The following ASB9 variants were observed in gnomAD, a reference collection of about 807,000 sequenced individuals.
ASB9 encodes ankyrin repeat and SOCS box protein 9.
In ASB9, 5 loss-of-function variants were observed where a neutral mutation model predicts 16.6. That is an observed-to-expected ratio of 0.30 (90% CI 0.16 to 0.63). The LOEUF is 0.63. Ranked by LOEUF, ASB9 falls within the 30% of genes least tolerant of loss-of-function variation. ASB9 has a pLI of 0.82. For synonymous variants in ASB9, 100 were observed against 86.4 expected, an observed-to-expected ratio of 1.16 and a Z score of -0.87; for missense variants, 216 against 229.4, an observed-to-expected ratio of 0.94 and a Z score of 0.38.
chrX:15,252,277 G>C lies in ASB9; in HGVS notation c.410C>G (p.Pro137Arg). The change falls in exon 4 of 7, where the codon CCC (proline) becomes CGC (arginine). Residue 137 changes from proline (P) to arginine (R), a missense_variant. Transcript: ENST00000380488. ...ACCTCTCCTAGCAGCTTCATGGATG[G>C]GGGATGCCAGATCACTCTCAGGTTG... is the stretch of plus-strand genomic sequence containing the variant. ...SVQPESDLAS[P>R]IHEAARRGHV... 1.7e-6 allele frequency: 2 copies of C among 1,207,542 alleles called. No homozygotes were observed. The highest frequency in any genetic ancestry group is 2.2e-6 in the Non-Finnish European group (2 of 894,086).
At chrX:15,253,999 G>C (rs1925341729) in intron 3 of ASB9, among the ~76,000 whole-genome samples, 1 of 111,632 alleles carries the variant, frequency 9.0e-6, no homozygotes, top group African/African-American at 3.3e-5. Context: ...TTGTACCCTA[G>C]GTGTCTCTTG....
At chrX:15,258,827 T>C in intron 2 of ASB9, 39 bp downstream of exon 2, 1 of 1,056,542 alleles carries the variant, frequency 9.5e-7, no homozygotes, top group Non-Finnish European at 1.3e-6. Flanking sequence ...TTTTAATATT[T>C]TGATAGGTTT....
At chrX:15,259,305 T>C (rs770930184) in intron 1 of ASB9, among the ~76,000 whole-genome samples, 4 of 112,590 alleles carry the variant, frequency 3.6e-5, no homozygotes, top group Non-Finnish European at 7.5e-5. Context: ...TGTGTTAAGC[T>C]GTAGCTGTCA....
At chrX:15,245,741 G>C (rs999428297) in intron 6 of ASB9, among the ~76,000 whole-genome samples, 2 of 111,371 alleles carry the variant, frequency 1.8e-5, no homozygotes. Context: ...CTGAGTGTGC[G>C]GTCAGGGTTG....
Position 15,269,854 on chromosome X carries a change from G to A in ASB9, c.21C>T (p.Gly7=). The change falls in exon 1 of 7, where the codon GGC becomes GGT. Residue 7 remains glycine, a synonymous_variant. Transcript: ENST00000380488. ...GCCCCGCGGGCTTGCTCCCATCCAT[G>A]CCCCCTTGTTTGCCATCCATGATGC... MDGKQG[G]MDGSKPAGPR... 7 of 1,205,768 alleles carry A rather than the reference G, an allele frequency of 5.8e-6. No homozygotes were observed. The highest frequency in any genetic ancestry group is 7.8e-6 in the Non-Finnish European group (7 of 892,525).
chrX:15,250,607 C>T (rs182109862), intron 4 of ASB9, 43 bp from the exon 5 acceptor site: 98 of 1,154,343 alleles, frequency 8.5e-5, no homozygotes, highest in Non-Finnish European at 1.0e-4. Context: ...AATACAAGTT[C>T]CCTTAGCTAG....
At chrX:15,260,800 CAT>C (rs767966713) in intron 1 of ASB9, among the ~76,000 whole-genome samples, 1 of 112,487 alleles carries the variant, frequency 8.9e-6, no homozygotes, top group South Asian at 3.7e-4. Context: ...GTATTTAACA[CAT>C]GTTGGCTTAA....
At chrX:15,253,559 C>T (rs1045630397) in intron 3 of ASB9, among the ~76,000 whole-genome samples, 1 of 111,367 alleles carries the variant, frequency 9.0e-6, no homozygotes, top group Non-Finnish European at 1.9e-5. Context: ...GAGTTCGTGC[C>T]ACTGTACTCC....
intron 2 of ASB9, among the ~76,000 whole-genome samples, chrX:15,256,606 T>C (rs1441296704): frequency 9.5e-6 from 1 of 105,702 alleles, no homozygotes; most frequent in East Asian, 3.0e-4. Flanking sequence ...TGAAACCCCA[T>C]CTCTACTAAA....
chrX:15,246,670 G>T (rs1365691991), intron 6 of ASB9, among the ~76,000 whole-genome samples: 1 of 110,498 alleles, frequency 9.0e-6, no homozygotes, highest in Non-Finnish European at 1.9e-5. Flanking sequence ...GAAGAGACGG[G>T]GTTTCACCGT....
At position 15,269,827 on chromosome X, in the gene ASB9, T is replaced by C; in HGVS notation, c.48A>G (p.Pro16=). The change falls in exon 1 of 7, where the codon CCA becomes CCG. Residue 16 remains proline, a synonymous_variant. Transcript: ENST00000380488. The part of the protein sequence containing the change: ...GGMDGSKPAG[P]RDFPGIRLLS... Reference sequence around the variant, plus strand: ...GAAGCCTGATGCCAGGAAAGTCCCTTGGCCCCGCGGGCTTGCTCCCATCCA... The same window carrying C: ...GAAGCCTGATGCCAGGAAAGTCCCTCGGCCCCGCGGGCTTGCTCCCATCCA... The C allele has an allele frequency of 1.7e-6, 2 of 1,208,258 alleles. No individual in the cohort carries two copies. Among genetic ancestry groups the C allele is most frequent in the Non-Finnish European group, 2.2e-6 (2 of 893,928 alleles).
At chrX:15,259,202 G>T in intron 1 of ASB9, 1 of 280,242 alleles carries the variant, frequency 3.6e-6, no homozygotes. Context: ...GGTGGATTGG[G>T]ATGACAGATT....
chrX:15,247,325 C>T (rs1033887642), intron 6 of ASB9, among the ~76,000 whole-genome samples: 35 of 111,766 alleles, frequency 3.1e-4, no homozygotes, highest in South Asian at 7.6e-4. Flanking sequence ...ACACTGTCAC[C>T]GTGCAAAACG....
At chrX:15,256,775 C>CAAAAA (rs1248547700) in intron 2 of ASB9, among the ~76,000 whole-genome samples, 11 of 35,909 alleles carry the variant, frequency 3.1e-4, no homozygotes, top group African/African-American at 5.1e-4. Flanking sequence ...GACTCCGTCT[C>CAAAAA]AAAAAAAAAA....
chrX:15,250,207 ATCCTCC>A (rs1266894414), intron 5 of ASB9, among the ~76,000 whole-genome samples: 15 of 108,646 alleles, frequency 1.4e-4, no homozygotes, highest in East Asian at 1.2e-3. Context: ...CATCATCATC[ATCCTCC>A]TCCTCCTCCT....
chrX:15,246,746 A>C (rs1924702715), intron 6 of ASB9, among the ~76,000 whole-genome samples: 1 of 110,817 alleles, frequency 9.0e-6, no homozygotes, highest in Admixed American at 9.6e-5. Flanking sequence ...CAAAGTGTGG[A>C]GATTACAGGC....
intron 2 of ASB9, among the ~76,000 whole-genome samples, chrX:15,256,701 CCA>C (rs1356907710): frequency 2.1e-5 from 2 of 95,352 alleles, no homozygotes; most frequent in Non-Finnish European, 4.1e-5. Context: ...GGCGTGAACC[CCA>C]GGGGGCGGAG....
In ASB9 at chrX:15,244,423, A is replaced by G. The variant is rs184687335; in HGVS notation, c.*83T>C. The G allele has an allele frequency of 9.4e-7, 1 of 1,060,134 alleles. No individual in the cohort carries two copies. The highest frequency in any genetic ancestry group is 1.3e-6 in the Non-Finnish European group (1 of 772,537). 87.4% of individuals were successfully genotyped at this position (1,060,134 alleles called of 1,213,427 possible). A position where few individuals can be genotyped will look rare whatever the true frequency, so the allele number is the denominator to read the frequency against. Reference sequence around the variant, plus strand: ...CGAAAAAACTAGTCAAACTCTATAAATCCAACTTGATTTTAAAATTCTAGT... The same window carrying G: ...CGAAAAAACTAGTCAAACTCTATAAGTCCAACTTGATTTTAAAATTCTAGT... On this transcript the variant is annotated 3_prime_UTR_variant, in exon 7 of 7. Transcript: ENST00000380488.
At chrX:15,266,913 G>A (rs1244232252) in intron 1 of ASB9, among the ~76,000 whole-genome samples, 1,172 of 82,269 alleles carry the variant, frequency 0.014, no homozygotes, top group East Asian at 0.045. Flanking sequence ...TCCAGCCTGG[G>A]CGACAGAGCG....
Sources: gnomAD v4.1 joint callset for allele counts (sites outside exome capture counted in the v4.1 genomes callset) on GRCh38, gnomAD v4.1.1 for gene constraint, MANE v1.5 for transcripts, NCBI Gene and HGNC (gene_info 2026-07-23, HGNC 2026-07-21) for gene names.